FHOD3: variants seen among roughly 807,000 people sequenced by gnomAD.
FHOD3 encodes the protein formin homology 2 domain containing 3.
A neutral mutation model predicts 173.0 loss-of-function variants in FHOD3; 90 were observed. The ratio of observed to expected loss-of-function variants is 0.52; its 90% confidence interval spans 0.44 to 0.62. The LOEUF (loss-of-function observed/expected upper bound fraction) is 0.62, where lower values mean the gene tolerates loss of function less well. FHOD3 is among the 20% of genes least tolerant of loss of function. The probability of loss-of-function intolerance (pLI) is 0.00; values close to 1 mark genes in which losing one functional copy is unlikely to be tolerated. For synonymous variants in FHOD3, 828 were observed against 823.0 expected (o/e 1.01, Z -0.10); for missense variants, 1,945 against 2,034.7 (o/e 0.96, Z 0.85).
At chr18:36,345,638 G>T (rs1320233590) in intron 1 of FHOD3, among the ~76,000 whole-genome samples, 1 of 152,108 alleles carries the variant, frequency 6.6e-6, no homozygotes, top group African/African-American at 2.4e-5. Flanking sequence ...ATGAGGTCTT[G>T]TGAAAATTAT....
At chr18:36,519,815 T>C (rs2056181873) in intron 5 of FHOD3, among the ~76,000 whole-genome samples, 1 of 152,204 alleles carries the variant, frequency 6.6e-6, no homozygotes, top group South Asian at 2.1e-4. Flanking sequence ...TGCCATCAGC[T>C]TCTAACTCTA....
chr18:36,513,963 T>C (rs1202833378), intron 5 of FHOD3, among the ~76,000 whole-genome samples: 1 of 151,672 alleles, frequency 6.6e-6, no homozygotes, highest in Non-Finnish European at 1.5e-5. Flanking sequence ...AGATCCTCCA[T>C]TACAAGTTGT....
intron 5 of FHOD3, among the ~76,000 whole-genome samples, chr18:36,528,488 C>A (rs1286339756): frequency 6.6e-6 from 1 of 152,132 alleles, no homozygotes; most frequent in Non-Finnish European, 1.5e-5. Context: ...GTAAAGGGCA[C>A]CATGCTGAGA....
intron 5 of FHOD3, among the ~76,000 whole-genome samples, chr18:36,549,585 TG>T (rs2057557577): frequency 7.3e-6 from 1 of 136,572 alleles, no homozygotes; most frequent in African/African-American, 2.7e-5. Flanking sequence ...TTACCCAGGC[TG>T]GAGTGCAGTG....
At chr18:36,372,113 G>A (rs2047222454) in intron 2 of FHOD3, among the ~76,000 whole-genome samples, 1 of 152,210 alleles carries the variant, frequency 6.6e-6, no homozygotes, top group African/African-American at 2.4e-5. Context: ...GCAGAGGTGA[G>A]ATGTGGTGTG....
intron 3 of FHOD3, among the ~76,000 whole-genome samples, chr18:36,479,739 G>A (rs566701096): frequency 6.6e-6 from 1 of 152,234 alleles, no homozygotes; most frequent in East Asian, 1.9e-4. Flanking sequence ...AAGAGCTTAG[G>A]AGGGAATGTC....
chr18:36,694,710 C>T (rs566350616), intron 17 of FHOD3, among the ~76,000 whole-genome samples: 2 of 152,320 alleles, frequency 1.3e-5, no homozygotes, highest in South Asian at 4.1e-4. Flanking sequence ...CCGTCCTTTA[C>T]AGAATGATTG....
chr18:36,426,484 T>G (rs1362505269), intron 3 of FHOD3, among the ~76,000 whole-genome samples: 1 of 152,092 alleles, frequency 6.6e-6, no homozygotes, highest in African/African-American at 2.4e-5. Flanking sequence ...ACCATGAGAT[T>G]GGTGCACAAG....
intron 3 of FHOD3, among the ~76,000 whole-genome samples, chr18:36,373,230 T>G (rs1055238829): frequency 2.6e-5 from 4 of 152,190 alleles, no homozygotes; most frequent in African/African-American, 9.7e-5. Context: ...TCAGAATGGC[T>G]TGCTGCGGGA....
intron 10 of FHOD3, among the ~76,000 whole-genome samples, chr18:36,631,850 G>C (rs8084815): frequency 0.15 from 23,503 of 152,106 alleles, 2,005 homozygotes; most frequent in African/African-American, 0.21. Flanking sequence ...TTAGTAAATG[G>C]ACACTGCTGT....
chr18:36,514,873 C>T (rs750183808), intron 5 of FHOD3, among the ~76,000 whole-genome samples: 5 of 152,196 alleles, frequency 3.3e-5, no homozygotes, highest in South Asian at 2.1e-4. Flanking sequence ...TGTAGCTGCA[C>T]GGGAGGCTGG....
At chr18:36,566,697 G>A (rs971150612) in intron 5 of FHOD3, among the ~76,000 whole-genome samples, 14 of 152,148 alleles carry the variant, frequency 9.2e-5, no homozygotes, top group African/African-American at 3.4e-4. Flanking sequence ...AGTTGCTATT[G>A]TCCAGGAGAG....
intron 20 of FHOD3, among the ~76,000 whole-genome samples, chr18:36,740,332 CAGG>C (rs367949917): frequency 6.6e-5 from 10 of 152,102 alleles, no homozygotes; most frequent in African/African-American, 2.2e-4. Flanking sequence ...TAAATTAATG[CAGG>C]AGAAGTGCTA....
intron 18 of FHOD3, among the ~76,000 whole-genome samples, chr18:36,717,425 A>G (rs1012229047): frequency 9.2e-5 from 14 of 152,146 alleles, no homozygotes; most frequent in African/African-American, 3.4e-4. Context: ...AGAGAAACAG[A>G]GGTAATCTTT....
At chr18:36,333,094 A>G (rs1598742068) in intron 1 of FHOD3, among the ~76,000 whole-genome samples, 2 of 152,162 alleles carry the variant, frequency 1.3e-5, no homozygotes, top group East Asian at 3.9e-4. Context: ...GGCAGCCTCA[A>G]ACTTACACTG....
chr18:36,481,063 AT>A, intron 3 of FHOD3, among the ~76,000 whole-genome samples: 1 of 113,266 alleles, frequency 8.8e-6, no homozygotes, highest in East Asian at 2.4e-4. Context: ...AGCATAACTC[AT>A]TTTTTAAAAA....
intron 1 of FHOD3, among the ~76,000 whole-genome samples, chr18:36,337,367 GTA>G (rs1254031407): frequency 6.6e-6 from 1 of 152,114 alleles, no homozygotes; most frequent in Non-Finnish European, 1.5e-5. Context: ...CACTGGGCTG[GTA>G]TATAACGTGA....
intron 3 of FHOD3, among the ~76,000 whole-genome samples, chr18:36,444,883 A>G (rs1358434529): frequency 6.6e-6 from 1 of 152,254 alleles, no homozygotes; most frequent in Non-Finnish European, 1.5e-5. Context: ...TGCAATTACA[A>G]ACAATGCTGC....
intron 17 of FHOD3, among the ~76,000 whole-genome samples, chr18:36,697,694 G>C (rs908634145): frequency 6.6e-6 from 1 of 152,160 alleles, no homozygotes; most frequent in Non-Finnish European, 1.5e-5. Flanking sequence ...TATTGACAAA[G>C]GTTAATGATA....
Sources: allele counts gnomAD v4.1 joint callset (sites outside exome capture counted in the v4.1 genomes callset), GRCh38; gene constraint gnomAD v4.1.1; transcripts MANE v1.5; gene names NCBI Gene and HGNC (gene_info 2026-07-23, HGNC 2026-07-21).